The following MAPK8IP3 variants were observed in gnomAD, a reference collection of about 807,000 sequenced individuals.
The protein encoded by MAPK8IP3 is C-Jun-amino-terminal kinase-interacting protein 3.
Under a neutral mutation model 157.8 loss-of-function variants are expected in MAPK8IP3, and 49 were observed. That is an observed-to-expected ratio of 0.31 (90% CI 0.25 to 0.39). MAPK8IP3 has a LOEUF of 0.39. Among genes scored for constraint, MAPK8IP3 ranks in the 10% least tolerant of loss-of-function variants. The pLI, the probability that MAPK8IP3 is intolerant of heterozygous loss-of-function variation, is 1.00. For missense variants in MAPK8IP3, 1,478 were observed against 1,889.4 expected (o/e 0.78, Z 4.04); for synonymous variants, 897 against 777.7 (o/e 1.15, Z -2.55).
chr16:1,739,532 G>A (rs1186918876), intron 4 of MAPK8IP3, among the ~76,000 whole-genome samples: 3 of 132,858 alleles, frequency 2.3e-5, no homozygotes, highest in Admixed American at 2.2e-4. Context: ...GTGAGCTTCC[G>A]TGTGACCATC....
rs946308978 is a variant in MAPK8IP3, at chr16:1,765,156, G to T, written c.2424G>T (p.Val808=). ...AGTTCACCGTCTGCAACGCGCACGT[G>T]CTGTGCATCTCCAGCATCCCCGGTG... ...VDQFTVCNAH[V]LCISSIPAAS... is the part of the protein sequence containing the mutation. The change falls in exon 20 of 32, where the codon GTG becomes GTT. Residue 808 remains valine (V), a synonymous_variant. Transcript: ENST00000610761. 4 of 1,602,160 alleles carry T rather than the reference G, an allele frequency of 2.5e-6. No homozygotes were observed. The highest frequency in any genetic ancestry group is 3.4e-6 in the Non-Finnish European group (4 of 1,171,182).
intron 1 of MAPK8IP3, among the ~76,000 whole-genome samples, chr16:1,712,766 C>T (rs576954236): frequency 6.6e-6 from 1 of 152,346 alleles, no homozygotes; most frequent in East Asian, 1.9e-4. Context: ...GCCCCCACCC[C>T]TCCCTCGGGG....
chr16:1,765,752 G>A (rs1027082800), intron 20 of MAPK8IP3, among the ~76,000 whole-genome samples: 1 of 152,186 alleles, frequency 6.6e-6, no homozygotes, highest in African/African-American at 2.4e-5. Flanking sequence ...TTGGCCCAGG[G>A]GCCTACCCAA....
chr16:1,754,924 C>T (rs2041509334), intron 8 of MAPK8IP3, among the ~76,000 whole-genome samples: 1 of 152,206 alleles, frequency 6.6e-6, no homozygotes, highest in African/African-American at 2.4e-5. Flanking sequence ...TGTCTGCTGA[C>T]ATGACAGGCA....
At chr16:1,760,883 C>T (rs370699441) in intron 12 of MAPK8IP3, among the ~76,000 whole-genome samples, 1 of 152,228 alleles carries the variant, frequency 6.6e-6, no homozygotes, top group Non-Finnish European at 1.5e-5. Context: ...GTGGGCGCTC[C>T]GAGACCATGC....
rs548461517 is a variant in MAPK8IP3, at chr16:1,724,749, C to A, written c.439+72C>A. Reference sequence around the variant, plus strand: ...CTGGGACGGCTCTGGTTGGGGTGGGCATGGAGCGCCTTCCACACAAGGGGA... The same window carrying A: ...CTGGGACGGCTCTGGTTGGGGTGGGAATGGAGCGCCTTCCACACAAGGGGA... On this transcript the variant is annotated intron_variant, in intron 2 of 31. Transcript: ENST00000610761. This position sits in a 1 kb window ranked among gnomAD's most constrained non-coding sequence, Gnocchi z 4.1. The A allele has an allele frequency of 2.3e-5, 36 of 1,565,816 alleles. No individual in the cohort carries two copies. In the African/African-American group the frequency reaches 4.6e-4, roughly 20 times the overall value.
chr16:1,767,948 T>G, intron 28 of MAPK8IP3, 30 bp downstream of exon 28: 1 of 1,602,226 alleles, frequency 6.2e-7, no homozygotes, highest in Non-Finnish European at 8.5e-7. Context: ...GCAGGGGCAG[T>G]GGTGCTGCCA....
At chr16:1,730,009 G>A (rs897365981) in intron 4 of MAPK8IP3, among the ~76,000 whole-genome samples, 1 of 127,400 alleles carries the variant, frequency 7.8e-6, no homozygotes, top group Admixed American at 1.0e-4. Flanking sequence ...AGGAGTTCGA[G>A]CTCAGCTTGG....
chr16:1,726,724 G>C (rs1168860041), intron 2 of MAPK8IP3, among the ~76,000 whole-genome samples: 2 of 152,198 alleles, frequency 1.3e-5, no homozygotes, highest in East Asian at 1.9e-4. Flanking sequence ...CCAGCACCAG[G>C]AGTTGGGGCC....
intron 4 of MAPK8IP3, among the ~76,000 whole-genome samples, chr16:1,735,692 T>TGTGACCGCCCATGTGAGCATCC (rs1225227797): frequency 0.026 from 3,203 of 123,662 alleles, 176 homozygotes; most frequent in East Asian, 0.073. Flanking sequence ...TGTGAGCGTC[T>TGTGACCGCCCATGTGAGCATCC]GTGTGCCTGT....
Position 1,763,578 on chromosome 16 carries a change from C to T in MAPK8IP3, c.1899-79C>T, listed in dbSNP as rs538424182. On this transcript the variant is annotated intron_variant, in intron 16 of 31. Coordinates refer to ENST00000610761, the MANE Select transcript of MAPK8IP3 (RefSeq NM_001318852.2). ...GCCCAGGCGGGCCTCCCTGCCGTGA[C>T]CTCCCCCAGGACAAGCCTGGGGCAC... 2.4e-5 allele frequency: 33 copies of T among 1,390,758 alleles called. No homozygotes were observed. The African/African-American group carries it at 4.5e-4, about 19-fold the overall frequency. The allele number at this position is 1,390,758 out of a possible 1,614,324, so 86.2% of individuals were successfully genotyped here.
intron 16 of MAPK8IP3, 32 bp from the exon 17 acceptor site, chr16:1,763,624 GA>G: frequency 6.6e-7 from 1 of 1,514,396 alleles, no homozygotes; most frequent in Non-Finnish European, 8.9e-7. Flanking sequence ...GCTCACCCTG[GA>G]CAGAGACATC....
chr16:1,768,851 G>A lies in MAPK8IP3; in HGVS notation c.*27G>A. ...GCTGCTGCCCTGCCTGGCCCGACCT[G>A]TACATAGGACCCCCGACCACCTGAC... is the stretch of plus-strand genomic sequence containing the variant. On this transcript the variant is annotated 3_prime_UTR_variant, in exon 32 of 32. Coordinates refer to ENST00000610761, the MANE Select transcript of MAPK8IP3 (RefSeq NM_001318852.2). 1 of 1,607,932 alleles carries A rather than the reference G, an allele frequency of 6.2e-7. No individual in the cohort carries two copies. Among genetic ancestry groups the A allele is most frequent in the Non-Finnish European group, 8.5e-7 (1 of 1,177,968 alleles).
Position 1,760,124 on chromosome 16 carries a change from C to T in MAPK8IP3, c.1304+109C>T, listed in dbSNP as rs1359933915. 3.3e-6 allele frequency: 4 copies of T among 1,212,652 alleles called. 1 individual carries two copies. The Admixed American group carries it at 5.3e-5, about 16-fold the overall frequency. 75.1% of individuals were successfully genotyped at this position (1,212,652 alleles called of 1,614,324 possible). On this transcript the variant is annotated intron_variant, in intron 11 of 31. Coordinates refer to ENST00000610761, the MANE Select transcript of MAPK8IP3 (RefSeq NM_001318852.2). ...CTTGGGGAGCACCTGGCTCCAACGC[C>T]AGCAGCTGTCCTCATCTCTGGCGGG...
intron 30 of MAPK8IP3, 25 bp from the exon 31 acceptor site, chr16:1,768,452 T>A (rs2042410187): frequency 5.7e-6 from 9 of 1,584,896 alleles, no homozygotes; most frequent in Non-Finnish European, 7.7e-6. Context: ...GAGGCCGCTG[T>A]CCTGAATCGC....
chr16:1,715,761 C>A (rs1489583033), intron 1 of MAPK8IP3, among the ~76,000 whole-genome samples: 2 of 151,170 alleles, frequency 1.3e-5, no homozygotes, highest in African/African-American at 4.9e-5. Context: ...TGGAGTCTCA[C>A]TCTGTCGCCT....
At chr16:1,716,986 G>A (rs1420530392) in intron 1 of MAPK8IP3, among the ~76,000 whole-genome samples, 2 of 152,196 alleles carry the variant, frequency 1.3e-5, no homozygotes, top group Admixed American at 6.5e-5. Context: ...TTGAACCTGG[G>A]AGGCAGAGGT....
chr16:1,734,995 T>C (rs955502139), intron 4 of MAPK8IP3: 2 of 154,674 alleles, frequency 1.3e-5, no homozygotes, highest in African/African-American at 4.8e-5. Context: ...CCACGTGCCA[T>C]GTGTACACAC....
At chr16:1,736,160 G>A (rs190829575) in intron 4 of MAPK8IP3, among the ~76,000 whole-genome samples, 83 of 130,734 alleles carry the variant, frequency 6.3e-4, no homozygotes, top group Non-Finnish European at 1.1e-3. Context: ...GTGACCGTCC[G>A]TGTGAGCGTC....
Sources: gnomAD v4.1 joint callset for allele counts (sites outside exome capture counted in the v4.1 genomes callset) on GRCh38, gnomAD v4.1.1 for gene constraint, Gnocchi (gnomAD v3.1) non-coding constraint, MANE v1.5 for transcripts, NCBI Gene and HGNC (gene_info 2026-07-23, HGNC 2026-07-21) for gene names.